KCNIP4: variants seen among roughly 807,000 people sequenced by gnomAD.
KCNIP4 encodes Kv channel-interacting protein 4.
A neutral mutation model predicts 34.0 loss-of-function variants in KCNIP4; 12 were observed. The observed-to-expected ratio is 0.35, with a 90% CI of 0.23 to 0.57. The LOEUF (loss-of-function observed/expected upper bound fraction) is 0.57, where lower values mean the gene tolerates loss of function less well. Ranked by LOEUF, KCNIP4 falls within the 20% of genes least tolerant of loss-of-function variation. The probability of loss-of-function intolerance (pLI) is 0.83; values close to 1 mark genes in which losing one functional copy is unlikely to be tolerated. For missense variants in KCNIP4, 238 were observed against 311.7 expected (o/e 0.76, Z 1.78); for synonymous variants, 124 against 102.2 (o/e 1.21, Z -1.29).
At chr4:21,696,574 A>AT (rs1413381940) in intron 1 of KCNIP4, among the ~76,000 whole-genome samples, 5 of 152,138 alleles carry the variant, frequency 3.3e-5, no homozygotes, top group Admixed American at 6.5e-5. Flanking sequence ...TCTGTTAAAA[A>AT]ATATATATAT....
At chr4:21,521,389 G>C (rs1431948519) in intron 1 of KCNIP4, among the ~76,000 whole-genome samples, 1 of 152,092 alleles carries the variant, frequency 6.6e-6, no homozygotes, top group Non-Finnish European at 1.5e-5. Flanking sequence ...TAAACTTCAT[G>C]AACGGACTTA....
chr4:21,151,577 G>A lies in KCNIP4; in HGVS notation c.62-268868C>T, dbSNP rs1369331957. Among the ~76,000 whole-genome samples the A allele has an allele frequency of 7.2e-5, 11 of 151,898 alleles. No homozygotes were observed. In the East Asian group the frequency reaches 2.1e-3, roughly 30 times the overall value. On this transcript the variant is annotated intron_variant, in intron 1 of 8. Coordinates refer to ENST00000382152, the MANE Select transcript of KCNIP4 (RefSeq NM_025221.6). ...TAGAGAGCAAGCTCTTTGGTTTATA[G>A]GGGGACCAATCTTGTACAAGGGACC... is the stretch of plus-strand genomic sequence containing the variant.
At chr4:21,330,348 C>A (rs536904068) in intron 1 of KCNIP4, among the ~76,000 whole-genome samples, 1 of 152,256 alleles carries the variant, frequency 6.6e-6, no homozygotes, top group South Asian at 2.1e-4. Context: ...ACTATCAGAA[C>A]TACTGTTGTG....
At chr4:21,476,309 ATGT>A (rs1350272446) in intron 1 of KCNIP4, among the ~76,000 whole-genome samples, 6 of 152,210 alleles carry the variant, frequency 3.9e-5, no homozygotes, top group Non-Finnish European at 7.3e-5. Flanking sequence ...TATGAATTAA[ATGT>A]TGTCCCTCGA....
intron 1 of KCNIP4, among the ~76,000 whole-genome samples, chr4:21,001,803 G>A (rs1283963258): frequency 6.6e-5 from 10 of 152,168 alleles, no homozygotes; most frequent in Admixed American, 6.5e-4. Context: ...ACAATTTATT[G>A]GTGCTGGGAT....
At chr4:21,191,407 G>A (rs191929078) in intron 1 of KCNIP4, among the ~76,000 whole-genome samples, 5 of 152,314 alleles carry the variant, frequency 3.3e-5, no homozygotes, top group South Asian at 4.1e-4. Context: ...GTTTAATGAC[G>A]GAAGATAGGC....
At chr4:21,506,149 G>A (rs1455667581) in intron 1 of KCNIP4, among the ~76,000 whole-genome samples, 1 of 151,930 alleles carries the variant, frequency 6.6e-6, no homozygotes, top group Non-Finnish European at 1.5e-5. Context: ...TGACTATTAT[G>A]TGGACATGTG....
chr4:21,140,502 C>T (rs1057023509), intron 1 of KCNIP4, among the ~76,000 whole-genome samples: 1 of 152,080 alleles, frequency 6.6e-6, no homozygotes, highest in Non-Finnish European at 1.5e-5. Context: ...AACGCACCTC[C>T]TCTGTGCCTC....
intron 1 of KCNIP4, among the ~76,000 whole-genome samples, chr4:21,001,030 C>T (rs1170484226): frequency 6.6e-6 from 1 of 152,116 alleles, no homozygotes; most frequent in Non-Finnish European, 1.5e-5. Flanking sequence ...CCACTAGGCT[C>T]TAAACACTAT....
intron 1 of KCNIP4, among the ~76,000 whole-genome samples, chr4:21,703,341 T>C (rs1204361617): frequency 2.0e-5 from 3 of 152,138 alleles, no homozygotes; most frequent in Non-Finnish European, 2.9e-5. Flanking sequence ...ATTTTCTACA[T>C]ACAAAACCCA....
chr4:21,327,550 T>C (rs1715208942), intron 1 of KCNIP4, among the ~76,000 whole-genome samples: 1 of 152,188 alleles, frequency 6.6e-6, no homozygotes, highest in African/African-American at 2.4e-5. Context: ...TTCTGCTTGA[T>C]GTTCTATAAG....
chr4:21,099,318 C>T (rs931992322), intron 1 of KCNIP4, among the ~76,000 whole-genome samples: 9 of 151,822 alleles, frequency 5.9e-5, no homozygotes, highest in African/African-American at 1.9e-4. Flanking sequence ...GCCCTTTGCA[C>T]GGATGGAGCT....
chr4:21,607,950 G>A (rs1188704696), intron 1 of KCNIP4, among the ~76,000 whole-genome samples: 1 of 152,154 alleles, frequency 6.6e-6, no homozygotes, highest in East Asian at 1.9e-4. Flanking sequence ...CTGAGACGCT[G>A]CAGGTGACAG....
chr4:21,018,218 C>T (rs572469692), intron 1 of KCNIP4, among the ~76,000 whole-genome samples: 4 of 152,206 alleles, frequency 2.6e-5, no homozygotes, highest in Non-Finnish European at 5.9e-5. Context: ...TTGTTGTCAT[C>T]GTTTTATGTT....
chr4:21,836,883 A>C (rs1723354807), intron 1 of KCNIP4, among the ~76,000 whole-genome samples: 1 of 150,348 alleles, frequency 6.7e-6, no homozygotes, highest in Admixed American at 6.6e-5. Flanking sequence ...TATGTTGCTG[A>C]AGTTGTGGAA....
At chr4:20,768,739 A>G (rs1054854676) in intron 3 of KCNIP4, among the ~76,000 whole-genome samples, 10 of 152,228 alleles carry the variant, frequency 6.6e-5, no homozygotes, top group Non-Finnish European at 1.3e-4. Flanking sequence ...AACATGTTGG[A>G]TATTTTCTTG....
intron 2 of KCNIP4, among the ~76,000 whole-genome samples, chr4:20,877,880 A>C (rs1188289452): frequency 6.6e-6 from 1 of 151,654 alleles, no homozygotes; most frequent in Non-Finnish European, 1.5e-5. Flanking sequence ...AATCATTATA[A>C]CCTTTTCAGG....
At chr4:21,556,922 G>GAAAAAAAAAAAAAA (rs1253971751) in intron 1 of KCNIP4, among the ~76,000 whole-genome samples, 1 of 70,840 alleles carries the variant, frequency 1.4e-5, no homozygotes, top group African/African-American at 5.3e-5. Flanking sequence ...CTCCATCTCA[G>GAAAAAAAAAAAAAA]AAAAAAAAAA....
chr4:20,888,830 G>T (rs993401240), intron 1 of KCNIP4, among the ~76,000 whole-genome samples: 4 of 151,816 alleles, frequency 2.6e-5, no homozygotes, highest in African/African-American at 9.7e-5. Context: ...ATTCCTTTTG[G>T]TTTTTTTAAA....
Sources: allele counts gnomAD v4.1 joint callset (sites outside exome capture counted in the v4.1 genomes callset), GRCh38; gene constraint gnomAD v4.1.1; transcripts MANE v1.5; gene names NCBI Gene and HGNC (gene_info 2026-07-23, HGNC 2026-07-21).